The following DOCK9 variants were observed in gnomAD, a reference collection of about 807,000 sequenced individuals.
DOCK9 encodes the protein dedicator of cytokinesis 9, also known as dedicator of cytokinesis protein 9.
DOCK9 carries 89 observed loss-of-function variants against 263.3 expected under a neutral mutation model. The observed-to-expected ratio is 0.34, with a 90% CI of 0.28 to 0.40. DOCK9 has a LOEUF of 0.40. Among genes scored for constraint, DOCK9 ranks in the 10% least tolerant of loss-of-function variants. The probability of loss-of-function intolerance (pLI) is 1.00; values close to 1 mark genes in which losing one functional copy is unlikely to be tolerated. For missense variants in DOCK9, 2,140 were observed against 2,603.4 expected (o/e 0.82, Z 3.87); for synonymous variants, 976 against 973.1 (o/e 1.00, Z -0.06).
At chr13:99,058,746 C>T (rs1047351683) in intron 1 of DOCK9, among the ~76,000 whole-genome samples, 6 of 152,168 alleles carry the variant, frequency 3.9e-5, no homozygotes, top group Non-Finnish European at 8.8e-5. Flanking sequence ...TCATGCTGCC[C>T]TTCAAGCACT....
chr13:98,970,844 G>A (rs1217268072), intron 1 of DOCK9, among the ~76,000 whole-genome samples: 1 of 151,944 alleles, frequency 6.6e-6, no homozygotes, highest in Admixed American at 6.5e-5. Context: ...AGGCTGTCTT[G>A]TTATCTCCTG....
At chr13:98,939,485 T>C (rs1339007745) in intron 2 of DOCK9, among the ~76,000 whole-genome samples, 1 of 152,220 alleles carries the variant, frequency 6.6e-6, no homozygotes, top group East Asian at 1.9e-4. Flanking sequence ...TGTTTTCATT[T>C]ACTTAGAACT....
chr13:99,076,954 T>A (rs926360905), intron 1 of DOCK9, among the ~76,000 whole-genome samples: 25 of 152,010 alleles, frequency 1.6e-4, no homozygotes, highest in Admixed American at 1.3e-3. Context: ...GCGAGTACAG[T>A]TTCAAAGGCC....
Position 98,929,187 on chromosome 13 carries a change from C to T in DOCK9, c.333+981G>A, listed in dbSNP as rs2053528222. 2.0e-5 allele frequency among the ~76,000 whole-genome samples: 3 copies of T among 152,120 alleles called. No homozygotes were observed. In the South Asian group the frequency reaches 6.2e-4, roughly 31 times the overall value. ...AATTATTCCTTCCTACCTAAAATTA[C>T]CTGGAGGAAAAAACAAACACTCCAA... On this transcript the variant is annotated intron_variant, in intron 3 of 52. Coordinates refer to ENST00000682017, the MANE Select transcript of DOCK9 (RefSeq NM_001366683.2).
At chr13:98,883,713 A>T (rs2045217364) in intron 22 of DOCK9, 100 bp downstream of exon 22, 6 of 682,128 alleles carry the variant, frequency 8.8e-6, no homozygotes, top group Non-Finnish European at 1.5e-5. Context: ...ATAGAGTAAA[A>T]ATATAGTAAT....
At chr13:98,842,876 C>T (rs2093270834) in intron 38 of DOCK9, among the ~76,000 whole-genome samples, 1 of 152,192 alleles carries the variant, frequency 6.6e-6, no homozygotes, top group South Asian at 2.1e-4. Context: ...TTTCAAATAG[C>T]TAAGACTACT....
chr13:99,015,894 T>C, intron 1 of DOCK9: 1 of 607,650 alleles, frequency 1.6e-6, no homozygotes, highest in Non-Finnish European at 2.2e-6. Context: ...AGCTGATTGC[T>C]TCACTCTTAA....
rs1263330624 is a variant in DOCK9 at position 98,882,954 on chromosome 13, G to C, written c.2559+88C>G. 9 of 1,079,080 alleles carry C rather than the reference G, an allele frequency of 8.3e-6. No individual in the cohort carries two copies. The African/African-American group carries it at 1.1e-4, about 13-fold the overall frequency. 66.8% of individuals were successfully genotyped at this position (1,079,080 alleles called of 1,614,324 possible). On this transcript the variant is annotated intron_variant, in intron 23 of 52. Transcript: ENST00000682017. Reference sequence around the variant, plus strand: ...GAGACATCCAGGTAAGAGCTTCCAAGGGGTGAGAACACCACTCACCACCAA... The same window carrying C: ...GAGACATCCAGGTAAGAGCTTCCAACGGGTGAGAACACCACTCACCACCAA...
rs998082026 is a variant in DOCK9, at chr13:98,804,922, G to A, written c.5725+77C>T. ...GAGCTCGAAAGACCCTTCCAGTCCTGAAGCTTCTGAATCCCTCTGGACAGC... is the reference window on the plus strand; with the variant it reads ...GAGCTCGAAAGACCCTTCCAGTCCTAAAGCTTCTGAATCCCTCTGGACAGC... On this transcript the variant is annotated intron_variant, in intron 49 of 52. Coordinates refer to ENST00000682017, the MANE Select transcript of DOCK9 (RefSeq NM_001366683.2). The A allele has an allele frequency of 3.4e-6, 5 of 1,484,442 alleles. No homozygotes were observed. In the African/African-American group the frequency reaches 4.2e-5, roughly 12 times the overall value. 92.0% of individuals were successfully genotyped at this position (1,484,442 alleles called of 1,614,324 possible).
intron 1 of DOCK9, among the ~76,000 whole-genome samples, chr13:98,983,437 G>A (rs2141621849): frequency 6.6e-6 from 1 of 152,134 alleles, no homozygotes; most frequent in Admixed American, 6.5e-5. Flanking sequence ...CAGGGAGTGA[G>A]GCAGGAAAGA....
At chr13:98,950,283 T>C in intron 2 of DOCK9, 4 of 757,346 alleles carry the variant, frequency 5.3e-6, no homozygotes, top group South Asian at 4.7e-5. Flanking sequence ...AGGAATCATA[T>C]AGGAATGATT....
intron 1 of DOCK9, among the ~76,000 whole-genome samples, chr13:98,994,512 C>T (rs756695593): frequency 3.3e-5 from 5 of 152,222 alleles, no homozygotes; most frequent in Non-Finnish European, 5.9e-5. Context: ...AGCACCAATC[C>T]TACCGGGAGA....
chr13:98,853,374 C>G, intron 35 of DOCK9, 34 bp downstream of exon 35: 2 of 1,425,296 alleles, frequency 1.4e-6, no homozygotes, highest in Non-Finnish European at 2.0e-6. Flanking sequence ...AGTGCTGAAA[C>G]GAGCAAAACA....
chr13:99,001,969 G>A (rs561457535), intron 1 of DOCK9, among the ~76,000 whole-genome samples: 24 of 152,206 alleles, frequency 1.6e-4, no homozygotes, highest in African/African-American at 5.1e-4. Context: ...GTGAGCTCCC[G>A]ATCTCTCTAC....
chr13:98,914,723 A>G (rs2050613138), intron 8 of DOCK9, among the ~76,000 whole-genome samples: 1 of 152,150 alleles, frequency 6.6e-6, no homozygotes, highest in Admixed American at 6.6e-5. Flanking sequence ...CAACTAAATC[A>G]GAATCTTTTG....
chr13:98,874,536 G>C (rs2094277999), intron 27 of DOCK9, among the ~76,000 whole-genome samples: 1 of 152,154 alleles, frequency 6.6e-6, no homozygotes, highest in South Asian at 2.1e-4. Context: ...TGAATGAATG[G>C]TTCTGTCTGA....
intron 1 of DOCK9, among the ~76,000 whole-genome samples, chr13:99,031,527 GTTCT>G (rs1330201887): frequency 6.6e-6 from 1 of 152,188 alleles, no homozygotes; most frequent in Non-Finnish European, 1.5e-5. Context: ...TGAACTTACA[GTTCT>G]TTATGTAGTT....
Position 98,974,210 on chromosome 13 carries a change from G to A in DOCK9, c.126+3574C>T, listed in dbSNP as rs2141420582. The stretch of plus-strand genomic sequence containing the variant: ...AAAAATAGGTATTCAAATGTGAGCA[G>A]GGAAACTAACATGCAGACATCAAGA... On this transcript the variant is annotated intron_variant, in intron 1 of 52. Coordinates refer to ENST00000682017, the MANE Select transcript of DOCK9 (RefSeq NM_001366683.2). 1.3e-5 allele frequency among the ~76,000 whole-genome samples: 2 copies of A among 152,280 alleles called. 1 individual carries two copies. Among genetic ancestry groups the A allele is most frequent in the Middle Eastern group, 6.8e-3 (2 of 294 alleles).
Position 98,797,205 on chromosome 13 carries a change from C to T in DOCK9, c.6066G>A (p.Leu2022=), listed in dbSNP as rs755206180. 1.2e-6 allele frequency: 2 copies of T among 1,613,814 alleles called. No homozygotes were observed. The highest frequency in any genetic ancestry group is 1.7e-6 in the Non-Finnish European group (2 of 1,179,874). The stretch of plus-strand genomic sequence containing the variant: ...GATACTCGAGCTGGTCTTCTTTAAT[C>T]AGACGTTCGTTTACCGCTAAGGCTT... The part of the protein sequence containing the change: ...CGQALAVNER[L]IKEDQLEYQE... The change falls in exon 52 of 53, where the codon CTG becomes CTA. Residue 2022 remains leucine (L), a synonymous_variant. Coordinates refer to ENST00000682017, the MANE Select transcript of DOCK9 (RefSeq NM_001366683.2).
Sources: allele counts gnomAD v4.1 joint callset (sites outside exome capture counted in the v4.1 genomes callset), GRCh38; gene constraint gnomAD v4.1.1; transcripts MANE v1.5; gene names NCBI Gene and HGNC (gene_info 2026-07-23, HGNC 2026-07-21).